PEMT: variants seen among roughly 807,000 people sequenced by gnomAD.
The protein encoded by PEMT is phosphatidylethanolamine N-methyltransferase.
In PEMT, 23 loss-of-function variants were observed where a neutral mutation model predicts 27.4. The ratio of observed to expected loss-of-function variants is 0.84; its 90% confidence interval spans 0.60 to 1.19. PEMT has a LOEUF of 1.19. Among genes scored for constraint, PEMT ranks in the 50% most tolerant of loss-of-function variants. PEMT has a pLI of 0.00. For missense variants in PEMT, 307 were observed against 310.1 expected, an observed-to-expected ratio of 0.99 and a Z score of 0.07; for synonymous variants, 137 against 139.1, an observed-to-expected ratio of 0.98 and a Z score of 0.11.
intron 1 of PEMT, chr17:17,577,524 C>A: frequency 1.0e-6 from 1 of 996,424 alleles, no homozygotes; most frequent in South Asian, 4.5e-5. Flanking sequence ...GCGGGGTAAA[C>A]TGAAAAAGTG....
chr17:17,589,190 G>C (rs574108803), intron 1 of PEMT, among the ~76,000 whole-genome samples: 2 of 152,198 alleles, frequency 1.3e-5, no homozygotes, highest in East Asian at 3.9e-4. Context: ...TCAAACTCCC[G>C]ACCTCAGGTG....
In PEMT at chr17:17,509,520, C is replaced by G. The variant is rs775814752; in HGVS notation, c.492G>C (p.Glu164Asp). 1.9e-6 allele frequency: 3 copies of G among 1,613,724 alleles called. No individual in the cohort carries two copies. Among genetic ancestry groups the G allele is most frequent in the Non-Finnish European group, 1.7e-6 (2 of 1,179,736 alleles). Residue 164 changes from glutamate to aspartate, a missense_variant, in exon 5 of 7, where the codon GAG becomes GAC. Physicochemically the swap from Glu to Asp is conservative, Grantham distance 45. Transcript: ENST00000255389. ...TGAAGGGGAACACGGTCACTCTCGCCTCCTTGAGGATCCCGAAGTAATCAC... is the reference window on the plus strand; with the variant it reads ...TGAAGGGGAACACGGTCACTCTCGCGTCCTTGAGGATCCCGAAGTAATCAC... Reference protein sequence around the residue: ...FLGDYFGILKEARVTVFPFNI... With the variant: ...FLGDYFGILKDARVTVFPFNI...
intron 1 of PEMT, among the ~76,000 whole-genome samples, chr17:17,581,094 C>T (rs1911948207): frequency 6.6e-6 from 1 of 152,170 alleles, no homozygotes; most frequent in Non-Finnish European, 1.5e-5. Context: ...CCAGGAAAAA[C>T]ACTTCCCATA....
Position 17,561,005 on chromosome 17 carries a change from A to G in PEMT, c.204+15915T>C, listed in dbSNP as rs541590566. Among the ~76,000 whole-genome samples, 20 of 152,220 alleles carry G rather than the reference A, an allele frequency of 1.3e-4. No homozygotes were observed. The highest frequency in any genetic ancestry group is 4.3e-4 in the African/African-American group (18 of 41,528). On this transcript the variant is annotated intron_variant, in intron 2 of 6. Coordinates refer to ENST00000255389, the MANE Select transcript of PEMT (RefSeq NM_148172.3). The surrounding 1 kb of genome is among the most constrained non-coding windows in gnomAD (Gnocchi z 4.5). The stretch of plus-strand genomic sequence containing the variant: ...CAATGTGTGCAGTGTGACTGAAGAT[A>G]GCAAGGACCCCGGCCGCGCCTTCCT...
intron 2 of PEMT, among the ~76,000 whole-genome samples, chr17:17,575,769 G>T (rs558122804): frequency 1.6e-4 from 25 of 152,202 alleles, no homozygotes; most frequent in Admixed American, 1.4e-3. Flanking sequence ...CTTGTGGGCC[G>T]CCAGAGCATC....
At chr17:17,559,861 C>T (rs1303312258) in intron 2 of PEMT, among the ~76,000 whole-genome samples, 1 of 152,258 alleles carries the variant, frequency 6.6e-6, no homozygotes, top group Non-Finnish European at 1.5e-5. Context: ...AGTGGTGTGA[C>T]TGGGGCTGGA....
At chr17:17,591,761 G>T, upstream of PEMT, 1 of 1,445,368 alleles carries the variant, frequency 6.9e-7, no homozygotes, top group Non-Finnish European at 9.1e-7. Context: ...CGGCCTTCTG[G>T]GAAATGTAGT....
intron 3 of PEMT, chr17:17,518,272 T>G: frequency 1.9e-6 from 1 of 535,452 alleles, no homozygotes; most frequent in Non-Finnish European, 2.4e-6. Flanking sequence ...GAGCCCTGCC[T>G]GGCCATCCAC....
chr17:17,572,075 C>T (rs1379891561), intron 2 of PEMT, among the ~76,000 whole-genome samples: 1 of 152,222 alleles, frequency 6.6e-6, no homozygotes, highest in Non-Finnish European at 1.5e-5. Flanking sequence ...ACAAGCCTCT[C>T]CTCCCACGGT....
intron 4 of PEMT, 77 bp from the exon 5 acceptor site, chr17:17,509,622 C>T (rs988842629): frequency 1.6e-5 from 16 of 1,009,734 alleles, no homozygotes; most frequent in Middle Eastern, 2.3e-4. Flanking sequence ...GGCCCCAGAG[C>T]GGGCTGTGGC....
At chr17:17,573,668 C>T (rs1445683592) in intron 2 of PEMT, among the ~76,000 whole-genome samples, 1 of 152,054 alleles carries the variant, frequency 6.6e-6, no homozygotes, top group Admixed American at 6.6e-5. Context: ...GAGCATCTGC[C>T]GATTTTGGTA....
At position 17,512,619 on chromosome 17, in the gene PEMT, T is replaced by C. The variant is rs1300903306; in HGVS notation, c.356A>G (p.Glu119Gly). 1 of 1,589,890 alleles carries C rather than the reference T, an allele frequency of 6.3e-7. No individual in the cohort carries two copies. The highest frequency in any genetic ancestry group is 8.6e-7 in the Non-Finnish European group (1 of 1,166,638). The change falls in exon 4 of 7, where the codon GAG becomes GGG. Residue 119 changes from glutamate to glycine, a missense_variant. Coordinates refer to ENST00000255389, the MANE Select transcript of PEMT (RefSeq NM_148172.3). This position sits in a 1 kb window ranked among gnomAD's most constrained non-coding sequence, Gnocchi z 6.3. ...GTAGGCCGCGGGGGTGTCCAGGCTCTCCATCCTGGGCTGGCTCAGCATGGC... is the reference window on the plus strand; with the variant it reads ...GTAGGCCGCGGGGGTGTCCAGGCTCCCCATCCTGGGCTGGCTCAGCATGGC... Reference protein sequence around the residue: ...TQAMLSQPRMESLDTPAAYSL... With the variant: ...TQAMLSQPRMGSLDTPAAYSL...
chr17:17,591,652 C>T lies in PEMT; in HGVS notation c.-26G>A, dbSNP rs1187056242. ...CCGGGGGCCGCCTCAGGAGGCACCA[C>T]GCGGGCCCCGCTGCAGCCACGCGCC... On this transcript the variant is annotated 5_prime_UTR_variant, in exon 1 of 7. In the 5' UTR this introduces an upstream ATG that the reference lacks. Coordinates refer to ENST00000255389, the MANE Select transcript of PEMT (RefSeq NM_148172.3). The T allele has an allele frequency of 6.9e-6, 11 of 1,599,040 alleles. No homozygotes were observed. Among genetic ancestry groups the T allele is most frequent in the Middle Eastern group, 1.7e-4 (1 of 6,000 alleles).
intron 2 of PEMT, among the ~76,000 whole-genome samples, chr17:17,529,382 T>C (rs1907931193): frequency 6.6e-6 from 1 of 152,156 alleles, no homozygotes; most frequent in Non-Finnish European, 1.5e-5. Context: ...ATCCAAAGCG[T>C]CCCACAGCAC....
At chr17:17,510,234 A>C (rs972437591) in intron 4 of PEMT, among the ~76,000 whole-genome samples, 1 of 152,174 alleles carries the variant, frequency 6.6e-6, no homozygotes, top group African/African-American at 2.4e-5. Flanking sequence ...CACAGCCACA[A>C]GGCGTCCCCC....
chr17:17,536,930 T>C (rs946892087), intron 2 of PEMT, among the ~76,000 whole-genome samples: 5 of 152,126 alleles, frequency 3.3e-5, no homozygotes, highest in Admixed American at 6.5e-5. Context: ...CCCGAAACCC[T>C]TCACCAGTGC....
At chr17:17,526,443 A>G (rs1194412101) in intron 2 of PEMT, among the ~76,000 whole-genome samples, 1 of 151,822 alleles carries the variant, frequency 6.6e-6, no homozygotes. Context: ...AGTACCCCCC[A>G]CCCCGATCCC....
intron 1 of PEMT, chr17:17,577,362 C>T (rs1911669980): frequency 8.7e-6 from 6 of 688,934 alleles, no homozygotes; most frequent in Non-Finnish European, 9.8e-6. Flanking sequence ...TCTCAGAGGC[C>T]CCAGAGGAAA....
intron 2 of PEMT, among the ~76,000 whole-genome samples, chr17:17,551,420 G>C (rs533527884): frequency 1.3e-5 from 2 of 152,328 alleles, no homozygotes; most frequent in South Asian, 4.1e-4. Flanking sequence ...TGGTGAGCTG[G>C]AGCTGACAGG....
Sources: gnomAD v4.1 joint callset for allele counts (sites outside exome capture counted in the v4.1 genomes callset) on GRCh38, gnomAD v4.1.1 for gene constraint, Gnocchi (gnomAD v3.1) non-coding constraint, MANE v1.5 for transcripts, NCBI Gene and HGNC (gene_info 2026-07-23, HGNC 2026-07-21) for gene names.